CFAP221: variants seen among roughly 807,000 people sequenced by gnomAD.
CFAP221 encodes the protein cilia- and flagella-associated protein 221.
A neutral mutation model predicts 113.1 loss-of-function variants in CFAP221; 97 were observed. The observed-to-expected ratio is 0.86, with a 90% confidence interval of 0.73 to 1.02. The LOEUF (loss-of-function observed/expected upper bound fraction) is 1.02, where lower values mean the gene tolerates loss of function less well. Among genes scored for constraint, CFAP221 ranks in the 50% least tolerant of loss-of-function variants. The pLI, the probability that CFAP221 is intolerant of heterozygous loss-of-function variation, is 0.00. For synonymous variants in CFAP221, 331 were observed against 354.4 expected (o/e 0.93, Z 0.74); for missense variants, 1,025 against 1,013.4 (o/e 1.01, Z -0.16).
rs146615357 is a variant in CFAP221 at position 119,594,172 on chromosome 2, C to T, written c.631+6950C>T. ...TCTGGTGACTATTCCTGTGATGAGG[C>T]ATACTGTCTGTTTTCTTTAAGACTC... is the stretch of plus-strand genomic sequence containing the variant. On this transcript the variant is annotated intron_variant, in intron 7 of 23. Coordinates refer to ENST00000413369, the MANE Select transcript of CFAP221 (RefSeq NM_001271049.2). Among the ~76,000 whole-genome samples the T allele has an allele frequency of 9.2e-5, 14 of 151,932 alleles. No homozygotes were observed. In the East Asian group the frequency reaches 1.9e-3, roughly 21 times the overall value.
intron 23 of CFAP221, among the ~76,000 whole-genome samples, chr2:119,653,783 A>T (rs1369540270): frequency 1.3e-5 from 2 of 152,218 alleles, no homozygotes. Context: ...CCTGCATTCA[A>T]ATGCCCTGGA....
chr2:119,576,391 T>C (rs1682444846), intron 6 of CFAP221, among the ~76,000 whole-genome samples: 7 of 152,188 alleles, frequency 4.6e-5, no homozygotes, highest in Admixed American at 4.6e-4. Context: ...GGTGTGTTGT[T>C]CACCTCTGTG....
rs925460852 is a variant in CFAP221 at position 119,593,837 on chromosome 2, C to CA, written c.631+6625dup. On this transcript the variant is annotated intron_variant, in intron 7 of 23. Transcript: ENST00000413369. ...TGGGCAACAGAGCGAGACTCAGTCT[C>CA]AAAAAAAAAACAAAACGAAACAACA... Among the ~76,000 whole-genome samples the CA allele has an allele frequency of 2.2e-3, 306 of 141,354 alleles. 6 individuals are homozygous for CA. The highest frequency in any genetic ancestry group is 0.021 in the East Asian group (98 of 4,580). The allele number at this position is 141,354 out of a possible 152,430, so 92.7% of individuals were successfully genotyped here.
Position 119,560,096 on chromosome 2 carries a change from G to A in CFAP221, c.426+70G>A. The A allele has an allele frequency of 7.5e-6, 9 of 1,197,362 alleles. 1 individual carries two copies. The South Asian group carries it at 1.1e-4, about 15-fold the overall frequency. 74.2% of individuals were successfully genotyped at this position (1,197,362 alleles called of 1,614,324 possible). On this transcript the variant is annotated intron_variant, in intron 5 of 23. Transcript: ENST00000413369. ...TGGGTTAAAACTTACATTCTCAATG[G>A]TGGCAGAAAGAGAGGTGGAATGACC...
chr2:119,607,621 G>A (rs1333419362), intron 11 of CFAP221, among the ~76,000 whole-genome samples: 1 of 151,962 alleles, frequency 6.6e-6, no homozygotes, highest in African/African-American at 2.4e-5. Context: ...CAGAACATAG[G>A]CATCACTAGA....
intron 6 of CFAP221, among the ~76,000 whole-genome samples, chr2:119,570,598 T>A (rs1486185760): frequency 1.3e-5 from 2 of 152,216 alleles, no homozygotes; most frequent in Non-Finnish European, 1.5e-5. Context: ...GTTCTGGACA[T>A]TTTATATAAA....
intron 6 of CFAP221, among the ~76,000 whole-genome samples, chr2:119,576,598 T>C (rs779397885): frequency 2.0e-5 from 3 of 152,252 alleles, no homozygotes; most frequent in Non-Finnish European, 4.4e-5. Flanking sequence ...CGTTTCTTTA[T>C]GTAAATTTGT....
At position 119,629,186 on chromosome 2, in the gene CFAP221, A is replaced by G. The variant is rs1189159340; in HGVS notation, c.1651-689A>G. On this transcript the variant is annotated intron_variant, in intron 16 of 23. Coordinates refer to ENST00000413369, the MANE Select transcript of CFAP221 (RefSeq NM_001271049.2). ...TAGTTTAGTGATGGTGTATTAGATT[A>G]GGGGTTGTATGCTATTTTTTGAGTG... Among the ~76,000 whole-genome samples the G allele has an allele frequency of 2.0e-5, 3 of 152,150 alleles. No homozygotes were observed. In the East Asian group the frequency reaches 5.8e-4, roughly 29 times the overall value.
intron 2 of CFAP221, among the ~76,000 whole-genome samples, chr2:119,546,614 T>C (rs1478464339): frequency 6.6e-6 from 1 of 152,176 alleles, no homozygotes. Context: ...GGCTGGCTTT[T>C]ATCCCTAATC....
chr2:119,588,438 T>C (rs1457665840), intron 7 of CFAP221, among the ~76,000 whole-genome samples: 1 of 152,244 alleles, frequency 6.6e-6, no homozygotes, highest in African/African-American at 2.4e-5. Flanking sequence ...GGCCTAGCCA[T>C]ACTTCTCTAA....
intron 6 of CFAP221, among the ~76,000 whole-genome samples, chr2:119,571,071 A>G (rs1429947830): frequency 1.3e-5 from 2 of 150,036 alleles, no homozygotes; most frequent in Non-Finnish European, 3.0e-5. Context: ...TCCCATCTCC[A>G]CCAAAAAATA....
At chr2:119,571,960 C>A (rs1225930898) in intron 6 of CFAP221, among the ~76,000 whole-genome samples, 2 of 99,920 alleles carry the variant, frequency 2.0e-5, no homozygotes, top group Non-Finnish European at 4.3e-5. Context: ...TGGGGTTGCC[C>A]CTTACTTTGG....
chr2:119,601,381 T>C lies in CFAP221; in HGVS notation c.791+4T>C, dbSNP rs1310178733. The stretch of plus-strand genomic sequence containing the variant: ...GCTATCCCAACATGGCCTTACCGTA[T>C]GGCGTCTTTGCAGTGTTTTTGTTTA... On this transcript the variant is annotated splice_donor_region_variant and intron_variant, in intron 8 of 23. Transcript: ENST00000413369. The C allele has an allele frequency of 1.3e-6, 2 of 1,507,402 alleles. No homozygotes were observed. Among genetic ancestry groups the C allele is most frequent in the South Asian group, 1.2e-5 (1 of 80,966 alleles). 93.4% of individuals were successfully genotyped at this position (1,507,402 alleles called of 1,614,324 possible). A position where few individuals can be genotyped will look rare whatever the true frequency, so the allele number is the denominator to read the frequency against.
At chr2:119,583,184 C>T (rs963438265) in intron 6 of CFAP221, among the ~76,000 whole-genome samples, 2 of 151,962 alleles carry the variant, frequency 1.3e-5, no homozygotes, top group Non-Finnish European at 2.9e-5. Context: ...TAGAAATAGA[C>T]AAAAATTTCC....
chr2:119,617,891 G>C (rs1558966969), intron 14 of CFAP221, among the ~76,000 whole-genome samples: 1 of 152,182 alleles, frequency 6.6e-6, no homozygotes, highest in Non-Finnish European at 1.5e-5. Context: ...TGTCTCCTTT[G>C]TTCCGGCATC....
intron 22 of CFAP221, 31 bp from the exon 23 acceptor site, chr2:119,651,943 A>G (rs531542171): frequency 2.0e-6 from 3 of 1,498,132 alleles, no homozygotes; most frequent in Non-Finnish European, 2.8e-6. Flanking sequence ...AAGGAAAAGC[A>G]GTGCCCACTA....
At chr2:119,572,388 T>A (rs1682121913) in intron 6 of CFAP221, 2 of 467,200 alleles carry the variant, frequency 4.3e-6, no homozygotes, top group Admixed American at 3.3e-5. Context: ...TTATAATTAT[T>A]CAATATCTTA....
At chr2:119,628,296 T>G (rs28391787) in intron 16 of CFAP221, among the ~76,000 whole-genome samples, 4 of 142,210 alleles carry the variant, frequency 2.8e-5, no homozygotes, top group East Asian at 2.0e-4. Flanking sequence ...CTCTGGGGGG[T>G]GTGTGTGTGT....
At chr2:119,587,062 A>C in intron 6 of CFAP221, 57 bp from the exon 7 acceptor site, 1 of 1,306,906 alleles carries the variant, frequency 7.7e-7, no homozygotes, top group Non-Finnish European at 1.0e-6. Flanking sequence ...TTGCTACCAA[A>C]AGAACCAGTT....
Sources: gnomAD v4.1 joint callset for allele counts (sites outside exome capture counted in the v4.1 genomes callset) on GRCh38, gnomAD v4.1.1 for gene constraint, MANE v1.5 for transcripts, NCBI Gene and HGNC (gene_info 2026-07-23, HGNC 2026-07-21) for gene names.